Variants in CLSTN2 observed in about 807,000 individuals in gnomAD.
CLSTN2 encodes calsyntenin-2.
In CLSTN2, 48 loss-of-function variants were observed where a neutral mutation model predicts 101.2. The ratio of observed to expected loss-of-function variants is 0.47; its 90% CI spans 0.38 to 0.60. The LOEUF (loss-of-function observed/expected upper bound fraction) is 0.60. CLSTN2 is among the 20% of genes least tolerant of loss of function. CLSTN2 has a pLI of 0.00. For missense variants in CLSTN2, 1,160 were observed against 1,238.2 expected, an observed-to-expected ratio of 0.94 and a Z score of 0.95; for synonymous variants, 481 against 463.6, an observed-to-expected ratio of 1.04 and a Z score of -0.48.
Position 139,953,931 on chromosome 3 carries a change from T to TGTG in CLSTN2, c.109+18448_109+18449insGTG, listed in dbSNP as rs1576374977. ...AGAGAAGGGCTCTGTGTGTGTGTGT[T>TGTG]TGTGTGTGTGTGTGTGTGTGTGTTT... On this transcript the variant is annotated intron_variant, in intron 1 of 16. Coordinates refer to ENST00000458420, the MANE Select transcript of CLSTN2 (RefSeq NM_022131.3). Among the ~76,000 whole-genome samples the TGTG allele has an allele frequency of 1.3e-3, 189 of 147,494 alleles. 2 individuals are homozygous for TGTG. Among genetic ancestry groups the TGTG allele is most frequent in the African/African-American group, 3.9e-3 (155 of 39,614 alleles).
chr3:140,095,098 A>G (rs2107787465), intron 1 of CLSTN2, among the ~76,000 whole-genome samples: 1 of 152,340 alleles, frequency 6.6e-6, no homozygotes, highest in African/African-American at 2.4e-5. Flanking sequence ...AGTCTTTCAC[A>G]AAGATTCTAC....
chr3:140,333,250 T>A (rs1054305010), intron 2 of CLSTN2, among the ~76,000 whole-genome samples: 1 of 152,214 alleles, frequency 6.6e-6, no homozygotes, highest in Non-Finnish European at 1.5e-5. Flanking sequence ...ACTTCCATGC[T>A]ACCACCAGTG....
intron 2 of CLSTN2, among the ~76,000 whole-genome samples, chr3:140,192,044 T>C (rs2010572642): frequency 6.6e-6 from 1 of 152,002 alleles, no homozygotes; most frequent in African/African-American, 2.4e-5. Flanking sequence ...TATTCAGTTA[T>C]ATGTACTAGC....
At chr3:140,497,885 C>T (rs1445604112) in intron 8 of CLSTN2, among the ~76,000 whole-genome samples, 1 of 152,058 alleles carries the variant, frequency 6.6e-6, no homozygotes, top group Non-Finnish European at 1.5e-5. Flanking sequence ...CCTGTTTTTC[C>T]GGGAGGGGTC....
At chr3:140,015,044 G>C (rs2007172075) in intron 1 of CLSTN2, among the ~76,000 whole-genome samples, 1 of 152,200 alleles carries the variant, frequency 6.6e-6, no homozygotes, top group Admixed American at 6.5e-5. Flanking sequence ...ACAGCAGACA[G>C]CGTGAGCCTC....
chr3:140,158,650 C>A (rs2009995261), intron 1 of CLSTN2, among the ~76,000 whole-genome samples: 1 of 152,010 alleles, frequency 6.6e-6, no homozygotes, highest in African/African-American at 2.4e-5. Flanking sequence ...ATCAAACTAC[C>A]AATGTCATTT....
At chr3:140,173,716 C>T (rs1214842748) in intron 1 of CLSTN2, among the ~76,000 whole-genome samples, 3 of 152,234 alleles carry the variant, frequency 2.0e-5, no homozygotes, top group Admixed American at 6.5e-5. Flanking sequence ...CCTGCAGGCT[C>T]AATGCCATGT....
intron 1 of CLSTN2, among the ~76,000 whole-genome samples, chr3:139,945,738 A>G (rs1217804612): frequency 6.6e-6 from 1 of 152,210 alleles, no homozygotes; most frequent in Non-Finnish European, 1.5e-5. Flanking sequence ...AAACAGATAA[A>G]TGTTAATCTA....
At chr3:140,065,370 C>G (rs2008282207) in intron 1 of CLSTN2, among the ~76,000 whole-genome samples, 1 of 152,220 alleles carries the variant, frequency 6.6e-6, no homozygotes, top group Admixed American at 6.5e-5. Context: ...ACCACTTACT[C>G]ACCACTGAGT....
chr3:140,402,084 G>C (rs574141433), intron 2 of CLSTN2, among the ~76,000 whole-genome samples: 88 of 152,294 alleles, frequency 5.8e-4, no homozygotes, highest in Middle Eastern at 3.4e-3. Flanking sequence ...ATGAAATTGA[G>C]GATCAATGAA....
intron 8 of CLSTN2, among the ~76,000 whole-genome samples, chr3:140,493,352 T>C (rs1934389369): frequency 6.6e-6 from 1 of 152,200 alleles, no homozygotes; most frequent in South Asian, 2.1e-4. Flanking sequence ...TTAAAGTGTT[T>C]TTAATTAAAT....
At chr3:140,131,451 C>T (rs536321030) in intron 1 of CLSTN2, among the ~76,000 whole-genome samples, 1 of 152,206 alleles carries the variant, frequency 6.6e-6, no homozygotes, top group South Asian at 2.1e-4. Context: ...TTGCAATCTT[C>T]TGTATTTATC....
intron 1 of CLSTN2, among the ~76,000 whole-genome samples, chr3:139,991,716 A>G (rs1354544995): frequency 1.3e-5 from 2 of 152,220 alleles, no homozygotes; most frequent in Non-Finnish European, 2.9e-5. Flanking sequence ...GGGATAGAAA[A>G]CTTGACTCAA....
chr3:140,309,207 A>G (rs1232353067), intron 2 of CLSTN2, among the ~76,000 whole-genome samples: 1 of 152,144 alleles, frequency 6.6e-6, no homozygotes, highest in Non-Finnish European at 1.5e-5. Context: ...GGGTCCTGGG[A>G]ACATGTCACT....
chr3:140,541,363 G>T (rs1393645864), intron 9 of CLSTN2, among the ~76,000 whole-genome samples: 1 of 152,240 alleles, frequency 6.6e-6, no homozygotes, highest in East Asian at 1.9e-4. Flanking sequence ...CTGAGTGGGG[G>T]AGATTTAAGT....
At chr3:140,217,541 A>G (rs1013161074) in intron 2 of CLSTN2, among the ~76,000 whole-genome samples, 3 of 152,258 alleles carry the variant, frequency 2.0e-5, no homozygotes, top group African/African-American at 7.2e-5. Flanking sequence ...TGACAAAAAT[A>G]GGAAAATGTA....
chr3:140,267,532 C>A (rs2086706537), intron 2 of CLSTN2, among the ~76,000 whole-genome samples: 1 of 152,134 alleles, frequency 6.6e-6, no homozygotes, highest in Non-Finnish European at 1.5e-5. Flanking sequence ...GAGATACAGG[C>A]AATAGCAATT....
intron 8 of CLSTN2, among the ~76,000 whole-genome samples, chr3:140,531,397 G>T (rs1382268797): frequency 6.6e-6 from 1 of 152,218 alleles, no homozygotes; most frequent in African/African-American, 2.4e-5. Flanking sequence ...CTGTTCATGA[G>T]AAACAGCATA....
chr3:140,241,063 C>T lies in CLSTN2; in HGVS notation c.232+64990C>T, dbSNP rs780348175. Among the ~76,000 whole-genome samples, 131 of 152,150 alleles carry T rather than the reference C, an allele frequency of 8.6e-4. 2 individuals are homozygous for T. Among genetic ancestry groups the T allele is most frequent in the Non-Finnish European group, 1.0e-3 (69 of 67,994 alleles). On this transcript the variant is annotated intron_variant, in intron 2 of 16. Coordinates refer to ENST00000458420, the MANE Select transcript of CLSTN2 (RefSeq NM_022131.3). Reference sequence around the variant, plus strand: ...TAATGCATGAAGTCAGCTTAGAAATCGTGACTTGTAGTTATGGTTCTATGC... The same window carrying T: ...TAATGCATGAAGTCAGCTTAGAAATTGTGACTTGTAGTTATGGTTCTATGC...
Sources: gnomAD v4.1 joint callset for allele counts (sites outside exome capture counted in the v4.1 genomes callset) on GRCh38, gnomAD v4.1.1 for gene constraint, MANE v1.5 for transcripts, NCBI Gene and HGNC (gene_info 2026-07-23, HGNC 2026-07-21) for gene names.